The following DDR2 variants were observed in gnomAD, a reference collection of about 807,000 sequenced individuals.
DDR2 encodes the protein discoidin domain-containing receptor 2.
A neutral mutation model predicts 94.9 loss-of-function variants in DDR2; 27 were observed. That is an observed-to-expected ratio of 0.28 (90% CI 0.21 to 0.39). The LOEUF is 0.39. Ranked by LOEUF, DDR2 falls within the 10% of genes least tolerant of loss-of-function variation. The pLI is 1.00. For missense variants in DDR2, 783 were observed against 1,076.0 expected (o/e 0.73, Z 3.81); for synonymous variants, 382 against 377.2 (o/e 1.01, Z -0.15).
At chr1:162,644,071 G>A (rs138023863) in intron 1 of DDR2, among the ~76,000 whole-genome samples, 41 of 152,170 alleles carry the variant, frequency 2.7e-4, no homozygotes, top group Non-Finnish European at 5.0e-4. Flanking sequence ...TAGGACTCTA[G>A]TAGGGACACC....
chr1:162,723,928 A>G (rs192443132), intron 3 of DDR2, among the ~76,000 whole-genome samples: 12 of 152,298 alleles, frequency 7.9e-5, no homozygotes, highest in African/African-American at 2.9e-4. Context: ...TGGGATTAGG[A>G]GAGGACGAGC....
rs114200173 is a variant in DDR2, at chr1:162,757,770, C to G, written c.671+2001C>G. 2.9e-3 allele frequency among the ~76,000 whole-genome samples: 434 copies of G among 152,180 alleles called. 2 individuals carry two copies. The highest frequency in any genetic ancestry group is 9.8e-3 in the African/African-American group (407 of 41,530). On this transcript the variant is annotated intron_variant, in intron 7 of 17. Transcript: ENST00000367921. ...GAGGAACATTTTAAAACTCTTAGTT[C>G]TGCCAAGTAAAAAGAATTAATGACC...
chr1:162,633,503 G>C (rs935937735), intron 1 of DDR2, among the ~76,000 whole-genome samples: 1 of 152,076 alleles, frequency 6.6e-6, no homozygotes, highest in Admixed American at 6.5e-5. Context: ...TAACCCCTTC[G>C]CTCCACAGAT....
chr1:162,737,282 A>G (rs1213148836), intron 3 of DDR2, among the ~76,000 whole-genome samples: 1 of 146,422 alleles, frequency 6.8e-6, no homozygotes, highest in Non-Finnish European at 1.5e-5. Flanking sequence ...AGCATTAGGT[A>G]TCTCTCCCAA....
chr1:162,656,002 C>G (rs548022340), intron 2 of DDR2, among the ~76,000 whole-genome samples: 2 of 152,284 alleles, frequency 1.3e-5, no homozygotes, highest in African/African-American at 4.8e-5. Flanking sequence ...GAGAAGCATG[C>G]TATATTGCAG....
intron 3 of DDR2, among the ~76,000 whole-genome samples, chr1:162,724,452 A>G (rs1379449600): frequency 6.6e-6 from 1 of 152,164 alleles, no homozygotes; most frequent in Non-Finnish European, 1.5e-5. Flanking sequence ...GGCTGGAGCT[A>G]GAAGCCCTGC....
At chr1:162,631,720 A>G (rs1435932140), upstream of DDR2, among the ~76,000 whole-genome samples, 2 of 152,188 alleles carry the variant, frequency 1.3e-5, no homozygotes. Flanking sequence ...ATCTCTGACT[A>G]TAGCTGTGGA....
intron 2 of DDR2, among the ~76,000 whole-genome samples, chr1:162,659,843 C>A (rs1308383371): frequency 6.6e-6 from 1 of 152,150 alleles, no homozygotes; most frequent in African/African-American, 2.4e-5. Flanking sequence ...ATTGTTATAG[C>A]TTATAAGAGT....
At chr1:162,772,315 A>G (rs1647270117) in intron 13 of DDR2, 68 bp downstream of exon 13, 1 of 1,494,476 alleles carries the variant, frequency 6.7e-7, no homozygotes, top group Admixed American at 1.8e-5. Context: ...CAGTAGAACA[A>G]AGAGTCCCTT....
chr1:162,674,335 T>C (rs533744486), intron 2 of DDR2, among the ~76,000 whole-genome samples: 6 of 152,294 alleles, frequency 3.9e-5, no homozygotes, highest in Admixed American at 3.9e-4. Context: ...GAGTGTTCAG[T>C]AAAGCAAAAG....
In DDR2 at chr1:162,783,288, A is replaced by C. The variant is rs1033304929; in HGVS notation, c.*3042A>C. On this transcript the variant is annotated 3_prime_UTR_variant, in exon 18 of 18. Transcript: ENST00000367921. ...ACACATATGATCAGAAAAGATCTAG[A>C]GTGCAAAGAGGTGCCTGAGGAGCAA... 2.6e-5 allele frequency: 4 copies of C among 152,206 alleles called. No homozygotes were observed. Among genetic ancestry groups the C allele is most frequent in the African/African-American group, 9.7e-5 (4 of 41,442 alleles). The allele number at this position is 152,206 out of a possible 1,614,324, so 9.4% of individuals were successfully genotyped here. A position where few individuals can be genotyped will look rare whatever the true frequency, so the allele number is the denominator to read the frequency against.
intron 1 of DDR2, among the ~76,000 whole-genome samples, chr1:162,637,261 T>C (rs1656873129): frequency 6.6e-6 from 1 of 152,162 alleles, no homozygotes; most frequent in Non-Finnish European, 1.5e-5. Context: ...GGTATCCACA[T>C]TGGGTTAATA....
rs1431055828 is a variant in DDR2 at position 162,755,191 on chromosome 1, C to T, written c.453C>T (p.Phe151=). Residue 151 remains phenylalanine, a synonymous_variant, in exon 6 of 18, where the codon TTC becomes TTT. Transcript: ENST00000367921. ...LDGNSNPYDI[F]LKDLEPPIVA... is the part of the protein sequence containing the mutation. ...GAAATAGTAACCCCTATGACATTTT[C>T]CTAAAGGACTTGGAGCCGCCCATTG... 6.2e-7 allele frequency: 1 copy of T among 1,614,088 alleles called. No homozygotes were observed. The highest frequency in any genetic ancestry group is 8.5e-7 in the Non-Finnish European group (1 of 1,180,012).
chr1:162,757,059 T>G (rs1663496614), intron 7 of DDR2, among the ~76,000 whole-genome samples: 1 of 152,150 alleles, frequency 6.6e-6, no homozygotes, highest in African/African-American at 2.4e-5. Context: ...GATTCAAGTA[T>G]ATGAGCAAGA....
chr1:162,684,097 G>A (rs1207689927), intron 2 of DDR2, among the ~76,000 whole-genome samples: 1 of 152,164 alleles, frequency 6.6e-6, no homozygotes, highest in African/African-American at 2.4e-5. Flanking sequence ...ATACACCTCT[G>A]TGTTGCCTTA....
At chr1:162,647,523 T>C (rs1558003594) in intron 1 of DDR2, among the ~76,000 whole-genome samples, 1 of 152,216 alleles carries the variant, frequency 6.6e-6, no homozygotes, top group Non-Finnish European at 1.5e-5. Flanking sequence ...GGCTACTCCA[T>C]AGGCAGAGCA....
At position 162,773,549 on chromosome 1, in the gene DDR2, C is replaced by T. The variant is rs772935583; in HGVS notation, c.1809C>T (p.Val603=). 7 of 1,614,070 alleles carry T rather than the reference C, an allele frequency of 4.3e-6. No individual in the cohort carries two copies. The highest frequency in any genetic ancestry group is 5.9e-6 in the Non-Finnish European group (7 of 1,179,942). ...FALDVSANQP[V]LVAVKMLRAD... is the part of the protein sequence containing the mutation. ...TAGATGTCAGTGCCAACCAGCCTGT[C>T]CTGGTGGCTGTGAAAATGCTCCGAG... The change falls in exon 14 of 18, where the codon GTC becomes GTT. Residue 603 remains valine, a synonymous_variant. Coordinates refer to ENST00000367921, the MANE Select transcript of DDR2 (RefSeq NM_006182.4).
At position 162,767,112 on chromosome 1, in the gene DDR2, T is replaced by C. The variant is rs1159993684; in HGVS notation, c.1163-117T>C. 3.5e-6 allele frequency: 5 copies of C among 1,425,774 alleles called. No homozygotes were observed. In the African/African-American group the frequency reaches 7.1e-5, roughly 20 times the overall value. 88.3% of individuals were successfully genotyped at this position (1,425,774 alleles called of 1,614,324 possible). ...AATAAGCAGAAGTATTAAGGTGGCA[T>C]CTTCCATAATTATCCTCAAGGAACA... On this transcript the variant is annotated intron_variant, in intron 10 of 17. Transcript: ENST00000367921.
intron 11 of DDR2, among the ~76,000 whole-genome samples, chr1:162,769,219 A>G (rs6676809): frequency 0.25 from 37,936 of 152,130 alleles, 6,296 homozygotes; most frequent in African/African-American, 0.45. Context: ...TTGAATATTT[A>G]ACTTGGTCCT....
Sources: gnomAD v4.1 joint callset for allele counts (sites outside exome capture counted in the v4.1 genomes callset) on GRCh38, gnomAD v4.1.1 for gene constraint, MANE v1.5 for transcripts, NCBI Gene and HGNC (gene_info 2026-07-23, HGNC 2026-07-21) for gene names.